The following SDK1 variants were observed in gnomAD, a reference collection of about 807,000 sequenced individuals.
SDK1 encodes the protein sidekick cell adhesion molecule 1.
SDK1 carries 157 observed loss-of-function variants against 245.5 expected under a neutral mutation model. That is an observed-to-expected ratio of 0.64 (90% CI 0.56 to 0.73). The LOEUF is 0.73. SDK1 is among the 30% of genes least tolerant of loss of function. SDK1 has a pLI of 0.00. For missense variants in SDK1, 3,583 were observed against 3,002.3 expected, an observed-to-expected ratio of 1.19 and a Z score of -4.52; for synonymous variants, 1,647 against 1,278.5, an observed-to-expected ratio of 1.29 and a Z score of -6.15.
Position 3,337,338 on chromosome 7 carries a change from T to G in SDK1, c.298+35454T>G, listed in dbSNP as rs1164312865. Among the ~76,000 whole-genome samples, 3 of 151,866 alleles carry G rather than the reference T, an allele frequency of 2.0e-5. No individual in the cohort carries two copies. The East Asian group carries it at 5.8e-4, about 29-fold the overall frequency. On this transcript the variant is annotated intron_variant, in intron 1 of 44. Coordinates refer to ENST00000404826, the MANE Select transcript of SDK1 (RefSeq NM_152744.4). ...ATCAGTGAACTTGAAGACAGAAAATTAGAATCTGCCCAATGTGAAAAAAAT... is the reference window on the plus strand; with the variant it reads ...ATCAGTGAACTTGAAGACAGAAAATGAGAATCTGCCCAATGTGAAAAAAAT...
At chr7:4,019,904 GC>G (rs1430648953) in intron 17 of SDK1, among the ~76,000 whole-genome samples, 1 of 152,170 alleles carries the variant, frequency 6.6e-6, no homozygotes, top group African/African-American at 2.4e-5. Context: ...AACACAGGTG[GC>G]CCCGTCCTCC....
At chr7:3,696,870 G>A (rs1784587165) in intron 4 of SDK1, among the ~76,000 whole-genome samples, 2 of 151,764 alleles carry the variant, frequency 1.3e-5, no homozygotes. Context: ...GTGTCTAACA[G>A]TAGATAGGAG....
intron 4 of SDK1, among the ~76,000 whole-genome samples, chr7:3,711,070 A>G (rs183148142): frequency 7.5e-4 from 114 of 151,226 alleles, no homozygotes; most frequent in African/African-American, 2.7e-3. Flanking sequence ...ATGGCAACTT[A>G]TATTATTTTT....
chr7:4,244,821 C>A (rs889972583), intron 43 of SDK1, among the ~76,000 whole-genome samples: 1 of 152,202 alleles, frequency 6.6e-6, no homozygotes, highest in Non-Finnish European at 1.5e-5. Flanking sequence ...TGACTGAGGG[C>A]CCCAGCCTCT....
At chr7:3,359,067 T>C (rs1019586769) in intron 1 of SDK1, among the ~76,000 whole-genome samples, 1 of 152,200 alleles carries the variant, frequency 6.6e-6, no homozygotes, top group African/African-American at 2.4e-5. Flanking sequence ...TAGAACCTTA[T>C]GGCATCACCT....
In SDK1 at chr7:3,971,504, G is replaced by A; in HGVS notation, c.1753G>A (p.Val585Met). ...SIVHPPEDHV[V>M]IKGTTATLHC... ...CGTCCACCCTCCTGAGGACCACGTGGTGATTAAGGGGACCACGGCCACGCT... is the reference window on the plus strand; with the variant it reads ...CGTCCACCCTCCTGAGGACCACGTGATGATTAAGGGGACCACGGCCACGCT... The change falls in exon 12 of 45, where the codon GTG becomes ATG. Residue 585 changes from valine to methionine, a missense_variant. Val to Met is a conservative substitution (Grantham distance 21). Transcript: ENST00000404826. 6.2e-7 allele frequency: 1 copy of A among 1,613,814 alleles called. No homozygotes were observed. The highest frequency in any genetic ancestry group is 1.1e-5 in the South Asian group (1 of 90,942).
At chr7:3,731,991 C>T (rs563224693) in intron 4 of SDK1, among the ~76,000 whole-genome samples, 4 of 152,116 alleles carry the variant, frequency 2.6e-5, no homozygotes, top group East Asian at 3.9e-4. Context: ...GGGGTTTCAC[C>T]GTGTTGGTCA....
At chr7:3,378,870 C>T (rs1393713095) in intron 1 of SDK1, among the ~76,000 whole-genome samples, 1 of 152,078 alleles carries the variant, frequency 6.6e-6, no homozygotes, top group Admixed American at 6.5e-5. Context: ...GTCGGCTCTG[C>T]TGTCTTCCTT....
chr7:4,071,674 G>A (rs1485637804), intron 20 of SDK1, among the ~76,000 whole-genome samples: 2 of 152,208 alleles, frequency 1.3e-5, no homozygotes, highest in East Asian at 3.8e-4. Context: ...TTTAAAAGCT[G>A]AGCAGGAGGC....
In SDK1 at chr7:3,909,000, C is replaced by G. The variant is rs533758142; in HGVS notation, c.848-41923C>G. Among the ~76,000 whole-genome samples, 181 of 152,262 alleles carry G rather than the reference C, an allele frequency of 1.2e-3. 2 individuals are homozygous for G. Among genetic ancestry groups the G allele is most frequent in the African/African-American group, 4.0e-3 (167 of 41,560 alleles). Reference sequence around the variant, plus strand: ...TGAGCCTGCCCCGGATGGCTGCCCCCTGCTCAAGTGAGCCAGGGTGGGAGG... The same window carrying G: ...TGAGCCTGCCCCGGATGGCTGCCCCGTGCTCAAGTGAGCCAGGGTGGGAGG... On this transcript the variant is annotated intron_variant, in intron 5 of 44. Transcript: ENST00000404826.
At chr7:4,074,909 TATATATA>T (rs372744355) in intron 20 of SDK1, among the ~76,000 whole-genome samples, 1,451 of 87,292 alleles carry the variant, frequency 0.017, 17 homozygotes, top group Non-Finnish European at 0.022. Flanking sequence ...TATATATATA[TATATATA>T]TTTTTTTTTT....
chr7:4,156,583 A>G (rs755467366), intron 30 of SDK1, among the ~76,000 whole-genome samples: 1 of 152,186 alleles, frequency 6.6e-6, no homozygotes, highest in Admixed American at 6.5e-5. Flanking sequence ...GTGAGCTGGT[A>G]GAGAAACAGT....
rs1233871287 is a variant in SDK1, at chr7:4,085,303, TTTG to T, written c.3324+5721_3324+5723del. On this transcript the variant is annotated intron_variant, in intron 22 of 44. Coordinates refer to ENST00000404826, the MANE Select transcript of SDK1 (RefSeq NM_152744.4). Reference sequence around the variant, plus strand: ...GAGACTACTGAATGAAATTTAAGTATTTGTCCTTAAAATGTGTTATACCATGGA... The same window carrying T: ...GAGACTACTGAATGAAATTTAAGTATTCCTTAAAATGTGTTATACCATGGA... 9.2e-5 allele frequency among the ~76,000 whole-genome samples: 14 copies of T among 152,328 alleles called. No homozygotes were observed. The South Asian group carries it at 2.9e-3, about 32-fold the overall frequency.
intron 1 of SDK1, among the ~76,000 whole-genome samples, chr7:3,471,497 G>A (rs1457239515): frequency 6.6e-6 from 1 of 152,096 alleles, no homozygotes; most frequent in Non-Finnish European, 1.5e-5. Context: ...TTAAAACCTT[G>A]CTAATTAAGG....
intron 1 of SDK1, among the ~76,000 whole-genome samples, chr7:3,509,212 T>G (rs1225383296): frequency 6.6e-6 from 1 of 152,178 alleles, no homozygotes; most frequent in Non-Finnish European, 1.5e-5. Context: ...CACAGTGACT[T>G]GACCCCCAGG....
intron 1 of SDK1, among the ~76,000 whole-genome samples, chr7:3,514,566 C>T (rs954052410): frequency 8.5e-5 from 13 of 152,086 alleles, no homozygotes; most frequent in African/African-American, 2.7e-4. Context: ...TCGTGTGTCT[C>T]GTCACTGTCC....
chr7:3,362,280 T>C (rs763823650), intron 1 of SDK1, among the ~76,000 whole-genome samples: 1 of 152,224 alleles, frequency 6.6e-6, no homozygotes, highest in Admixed American at 6.5e-5. Flanking sequence ...GTGAGCTGAG[T>C]GTAAATGCAG....
chr7:3,596,069 T>G (rs902363000), intron 1 of SDK1, among the ~76,000 whole-genome samples: 1 of 151,950 alleles, frequency 6.6e-6, no homozygotes. Context: ...CAATAATTGT[T>G]AGGTAGCACA....
At chr7:3,807,766 G>A (rs989984035) in intron 4 of SDK1, among the ~76,000 whole-genome samples, 4 of 152,178 alleles carry the variant, frequency 2.6e-5, no homozygotes, top group African/African-American at 9.7e-5. Flanking sequence ...CAGGCTGGGA[G>A]GCTGGGTTAG....
Sources: allele counts gnomAD v4.1 joint callset (sites outside exome capture counted in the v4.1 genomes callset), GRCh38; gene constraint gnomAD v4.1.1; transcripts MANE v1.5; gene names NCBI Gene and HGNC (gene_info 2026-07-23, HGNC 2026-07-21).